Variants in CACHD1 observed in about 807,000 individuals in gnomAD.
CACHD1 encodes the protein VWFA and cache domain-containing protein 1.
Under a neutral mutation model 138.7 loss-of-function variants are expected in CACHD1, and 71 were observed. That is an observed-to-expected ratio of 0.51 (90% CI 0.42 to 0.62). CACHD1 has a LOEUF of 0.62. Among genes scored for constraint, CACHD1 ranks in the 20% least tolerant of loss-of-function variants. The probability of loss-of-function intolerance (pLI) is 0.00; values close to 1 mark genes in which losing one functional copy is unlikely to be tolerated. For missense variants in CACHD1, 1,389 were observed against 1,625.3 expected (o/e 0.85, Z 2.50); for synonymous variants, 578 against 591.5 (o/e 0.98, Z 0.33).
At position 64,583,111 on chromosome 1, in the gene CACHD1, C is replaced by T. The variant is rs547817170; in HGVS notation, c.410+807C>T. 9.2e-5 allele frequency among the ~76,000 whole-genome samples: 14 copies of T among 152,252 alleles called. No homozygotes were observed. The South Asian group carries it at 1.7e-3, about 18-fold the overall frequency. ...TCTCTTTGCATGACAAGTGCTCTTG[C>T]GGCTAGGCAAAGGATGGATATAATG... On this transcript the variant is annotated intron_variant, in intron 3 of 26. Transcript: ENST00000651257.
At chr1:64,553,238 A>C (rs1007781069) in intron 2 of CACHD1, among the ~76,000 whole-genome samples, 1 of 152,218 alleles carries the variant, frequency 6.6e-6, no homozygotes, top group African/African-American at 2.4e-5. Flanking sequence ...CTTCATTATG[A>C]TGGTTCTCCC....
chr1:64,517,344 A>T (rs6689959), intron 1 of CACHD1, among the ~76,000 whole-genome samples: 106,111 of 152,092 alleles, frequency 0.7, 41,309 homozygotes, highest in Non-Finnish European at 0.85. Flanking sequence ...TAGACAATAG[A>T]CATCATGAAT....
intron 3 of CACHD1, among the ~76,000 whole-genome samples, chr1:64,602,089 C>G (rs1302335982): frequency 1.3e-5 from 2 of 152,144 alleles, no homozygotes; most frequent in Non-Finnish European, 2.9e-5. Flanking sequence ...AAGCTACTAG[C>G]TAGAATAATA....
At chr1:64,506,571 A>G (rs772489384) in intron 1 of CACHD1, 4 of 152,278 alleles carry the variant, frequency 2.6e-5, no homozygotes, top group Non-Finnish European at 4.4e-5. Context: ...ATGACAGCAG[A>G]GCCAGGAGTC....
At chr1:64,608,942 T>C (rs754394354) in intron 4 of CACHD1, among the ~76,000 whole-genome samples, 1 of 152,208 alleles carries the variant, frequency 6.6e-6, no homozygotes, top group Non-Finnish European at 1.5e-5. Context: ...CTGGACTTTC[T>C]TTATTGCGTT....
chr1:64,535,766 A>G (rs1646627890), intron 1 of CACHD1, among the ~76,000 whole-genome samples: 1 of 152,128 alleles, frequency 6.6e-6, no homozygotes, highest in Admixed American at 6.5e-5. Context: ...CACCTCCCTC[A>G]GGGCCACCTC....
intron 2 of CACHD1, among the ~76,000 whole-genome samples, chr1:64,572,842 A>G (rs1034646927): frequency 5.9e-5 from 9 of 152,074 alleles, no homozygotes; most frequent in African/African-American, 2.2e-4. Context: ...TCTCTGTTGG[A>G]TGGGCTATTC....
intron 1 of CACHD1, among the ~76,000 whole-genome samples, chr1:64,543,402 CATATATATATATATAT>C (rs140966471): frequency 1.7e-4 from 21 of 126,872 alleles, no homozygotes; most frequent in African/African-American, 6.9e-4. Flanking sequence ...AAAAAAAATA[CATATATATATATATAT>C]ATATATATTT....
rs1422409910 is a variant in CACHD1 at position 64,666,059 on chromosome 1, A to T, written c.2279A>T (p.Tyr760Phe). The change falls in exon 16 of 27, where the codon TAT (tyrosine) becomes TTT (phenylalanine). Residue 760 changes from tyrosine to phenylalanine, a missense_variant and splice_region_variant. Coordinates refer to ENST00000651257, the MANE Select transcript of CACHD1 (RefSeq NM_020925.4). ...KAFDPTRRQW[Y>F]LHAVANPGLI... ...TGACTTTCTTTGGTCTCCATTAGGT[A>T]TCTCCATGCAGTAGCTAATCCAGGG... is the stretch of plus-strand genomic sequence containing the variant. 2 of 1,559,360 alleles carry T rather than the reference A, an allele frequency of 1.3e-6. No individual in the cohort carries two copies. Among genetic ancestry groups the T allele is most frequent in the Non-Finnish European group, 8.8e-7 (1 of 1,136,530 alleles).
chr1:64,653,241 G>A (rs188287839), intron 10 of CACHD1, among the ~76,000 whole-genome samples: 3 of 152,090 alleles, frequency 2.0e-5, no homozygotes, highest in East Asian at 1.9e-4. Flanking sequence ...GGTGGAAAGC[G>A]GGACGAGGGA....
At chr1:64,689,402 G>A (rs1030681930) in intron 26 of CACHD1, among the ~76,000 whole-genome samples, 3 of 152,038 alleles carry the variant, frequency 2.0e-5, no homozygotes, top group African/African-American at 7.2e-5. Flanking sequence ...CACATCTGAT[G>A]ACTTACCAAT....
chr1:64,626,441 G>C lies in CACHD1; in HGVS notation c.518-2914G>C, dbSNP rs536953068. On this transcript the variant is annotated intron_variant, in intron 4 of 26. Coordinates refer to ENST00000651257, the MANE Select transcript of CACHD1 (RefSeq NM_020925.4). ...CATTAAAAATGGTGATCCTCACTCG[G>C]ATGGAAAACGGGAAAGGAGTTGAAT... 1.4e-4 allele frequency among the ~76,000 whole-genome samples: 22 copies of C among 152,360 alleles called. No individual in the cohort carries two copies. The South Asian group carries it at 4.6e-3, about 32-fold the overall frequency.
intron 1 of CACHD1, among the ~76,000 whole-genome samples, chr1:64,531,970 C>G (rs1646590861): frequency 6.6e-6 from 1 of 152,002 alleles, no homozygotes; most frequent in African/African-American, 2.4e-5. Context: ...AGAATGAGTC[C>G]CTGTGTTCTA....
At chr1:64,602,193 T>C (rs1647222551) in intron 3 of CACHD1, among the ~76,000 whole-genome samples, 1 of 152,336 alleles carries the variant, frequency 6.6e-6, no homozygotes, top group East Asian at 1.9e-4. Flanking sequence ...GTACAAGCTG[T>C]GTCATGTACT....
intron 2 of CACHD1, among the ~76,000 whole-genome samples, chr1:64,579,553 T>C (rs989090629): frequency 6.6e-6 from 1 of 152,184 alleles, no homozygotes; most frequent in Non-Finnish European, 1.5e-5. Flanking sequence ...CACTTAATAC[T>C]CCTATGTGGG....
chr1:64,502,646 C>A (rs1324522254), intron 1 of CACHD1, among the ~76,000 whole-genome samples: 2 of 125,794 alleles, frequency 1.6e-5, no homozygotes, highest in Non-Finnish European at 3.1e-5. Context: ...ATTGCACATT[C>A]TCTTATGGTG....
chr1:64,533,725 A>G (rs1019633829), intron 1 of CACHD1, among the ~76,000 whole-genome samples: 2 of 148,692 alleles, frequency 1.3e-5, no homozygotes, highest in African/African-American at 4.9e-5. Flanking sequence ...AAATTGAATA[A>G]TAGATATCTT....
chr1:64,473,332 A>G (rs1013442141), intron 1 of CACHD1, among the ~76,000 whole-genome samples: 5 of 152,166 alleles, frequency 3.3e-5, no homozygotes, highest in Non-Finnish European at 5.9e-5. Context: ...GAAAAAAAAA[A>G]GTCGAATGCA....
At chr1:64,545,177 G>A (rs1646709258) in intron 1 of CACHD1, among the ~76,000 whole-genome samples, 1 of 152,190 alleles carries the variant, frequency 6.6e-6, no homozygotes, top group Non-Finnish European at 1.5e-5. Context: ...AAACATTTGA[G>A]TAGAGTATAT....
Sources: allele counts gnomAD v4.1 joint callset (sites outside exome capture counted in the v4.1 genomes callset), GRCh38; gene constraint gnomAD v4.1.1; transcripts MANE v1.5; gene names NCBI Gene and HGNC (gene_info 2026-07-23, HGNC 2026-07-21).